ERC2: variants seen among roughly 807,000 people sequenced by gnomAD.
The protein encoded by ERC2 is ELKS/RAB6-interacting/CAST family member 2, also known as ERC protein 2.
A neutral mutation model predicts 114.8 loss-of-function variants in ERC2; 42 were observed. The ratio of observed to expected loss-of-function variants is 0.37; its 90% CI spans 0.29 to 0.47. The LOEUF (loss-of-function observed/expected upper bound fraction) is 0.47. ERC2 is among the 20% of genes least tolerant of loss of function. ERC2 has a pLI of 0.99. For synonymous variants in ERC2, 454 were observed against 425.5 expected (o/e 1.07, Z -0.82); for missense variants, 939 against 1,150.7 (o/e 0.82, Z 2.66).
intron 10 of ERC2, among the ~76,000 whole-genome samples, chr3:56,006,456 A>G (rs1170109789): frequency 1.3e-5 from 2 of 151,992 alleles, no homozygotes; most frequent in African/African-American, 2.4e-5. Flanking sequence ...GTCAAAGGGA[A>G]ACAAAATGCT....
chr3:55,883,598 A>G (rs2063216345), intron 14 of ERC2, among the ~76,000 whole-genome samples: 1 of 152,010 alleles, frequency 6.6e-6, no homozygotes, highest in African/African-American at 2.4e-5. Context: ...ATAAATTGGA[A>G]TAATGTTAAG....
chr3:55,662,445 C>A (rs890619866), intron 17 of ERC2, among the ~76,000 whole-genome samples: 2 of 152,158 alleles, frequency 1.3e-5, no homozygotes, highest in African/African-American at 2.4e-5. Flanking sequence ...CCAAGACATA[C>A]TGTTAAGTGA....
chr3:55,742,301 C>T (rs2066015171), intron 14 of ERC2, among the ~76,000 whole-genome samples: 2 of 152,138 alleles, frequency 1.3e-5, no homozygotes, highest in Admixed American at 6.5e-5. Context: ...TACTTCACTC[C>T]CCATTGCTGT....
intron 14 of ERC2, among the ~76,000 whole-genome samples, chr3:55,834,618 G>T (rs1027802478): frequency 6.6e-6 from 1 of 151,086 alleles, no homozygotes; most frequent in Non-Finnish European, 1.5e-5. Context: ...GCAGTGTGTA[G>T]AGGGAAATTT....
intron 17 of ERC2, among the ~76,000 whole-genome samples, chr3:55,549,250 A>G (rs2054974911): frequency 6.6e-6 from 1 of 152,108 alleles, no homozygotes; most frequent in African/African-American, 2.4e-5. Context: ...TGGTTCCACC[A>G]GTAGCCTGTG....
At chr3:56,060,522 T>C (rs1253842258) in intron 7 of ERC2, among the ~76,000 whole-genome samples, 2 of 152,242 alleles carry the variant, frequency 1.3e-5, no homozygotes, top group East Asian at 1.9e-4. Context: ...TGGGCAATCA[T>C]ACACATTCTG....
intron 12 of ERC2, among the ~76,000 whole-genome samples, chr3:55,954,726 A>G: frequency 6.6e-6 from 1 of 152,302 alleles, no homozygotes. Flanking sequence ...GGAGGAGTAT[A>G]ATTAACGAAA....
intron 14 of ERC2, among the ~76,000 whole-genome samples, chr3:55,836,060 C>G (rs555270872): frequency 6.6e-6 from 1 of 150,616 alleles, no homozygotes; most frequent in Non-Finnish European, 1.5e-5. Context: ...TGTGAAGGAC[C>G]TCTTCAAGGA....
At chr3:55,774,351 T>C (rs2068443362) in intron 14 of ERC2, among the ~76,000 whole-genome samples, 1 of 152,202 alleles carries the variant, frequency 6.6e-6, no homozygotes, top group Admixed American at 6.5e-5. Context: ...TGTGTGTGCA[T>C]TTAGACACTG....
intron 2 of ERC2, among the ~76,000 whole-genome samples, chr3:56,340,326 C>T (rs975388739): frequency 1.4e-4 from 22 of 152,110 alleles, no homozygotes; most frequent in African/African-American, 5.3e-4. Context: ...GTTTAAAACA[C>T]AGGCTTAAAA....
chr3:55,873,965 C>T (rs2062707663), intron 14 of ERC2, among the ~76,000 whole-genome samples: 1 of 152,198 alleles, frequency 6.6e-6, no homozygotes, highest in Non-Finnish European at 1.5e-5. Context: ...TGTTTATTCT[C>T]TCAAGAAATA....
At chr3:55,973,543 G>GT (rs1178882960) in intron 12 of ERC2, among the ~76,000 whole-genome samples, 1 of 152,214 alleles carries the variant, frequency 6.6e-6, no homozygotes, top group Non-Finnish European at 1.5e-5. Flanking sequence ...ATGTGTGCCT[G>GT]TTCCCACATG....
intron 7 of ERC2, among the ~76,000 whole-genome samples, chr3:56,023,541 C>T (rs1367397859): frequency 6.6e-6 from 1 of 152,120 alleles, no homozygotes; most frequent in African/African-American, 2.4e-5. Flanking sequence ...TATCAGCACA[C>T]TCCTTGCCTC....
chr3:55,751,513 A>C (rs35277336), intron 14 of ERC2, among the ~76,000 whole-genome samples: 1 of 152,018 alleles, frequency 6.6e-6, no homozygotes, highest in African/African-American at 2.4e-5. Context: ...CACAATATGT[A>C]TATATATATT....
At chr3:55,849,570 G>A (rs758070781) in intron 14 of ERC2, among the ~76,000 whole-genome samples, 8 of 152,116 alleles carry the variant, frequency 5.3e-5, no homozygotes, top group Non-Finnish European at 1.0e-4. Flanking sequence ...AGCTGGCACC[G>A]ACGCAGGAGG....
chr3:56,250,983 T>C (rs2052110439), intron 3 of ERC2, among the ~76,000 whole-genome samples: 1 of 152,158 alleles, frequency 6.6e-6, no homozygotes. Context: ...TACTAGAACA[T>C]GAAGGAGACT....
At chr3:55,817,823 C>G (rs572658120) in intron 14 of ERC2, among the ~76,000 whole-genome samples, 1 of 152,192 alleles carries the variant, frequency 6.6e-6, no homozygotes, top group Non-Finnish European at 1.5e-5. Flanking sequence ...GGAACACAAA[C>G]AGCCTTCAGT....
chr3:55,521,259 C>T (rs1309212058), intron 17 of ERC2, among the ~76,000 whole-genome samples: 1 of 152,216 alleles, frequency 6.6e-6, no homozygotes, highest in Non-Finnish European at 1.5e-5. Flanking sequence ...CCTCTCCCCA[C>T]ACAGCAAGCA....
intron 15 of ERC2, among the ~76,000 whole-genome samples, chr3:55,733,912 T>A (rs888616974): frequency 6.6e-6 from 1 of 152,188 alleles, no homozygotes; most frequent in Non-Finnish European, 1.5e-5. Flanking sequence ...CCATAAACCA[T>A]TGAGCTGACT....
Sources: allele counts gnomAD v4.1 joint callset (sites outside exome capture counted in the v4.1 genomes callset), GRCh38; gene constraint gnomAD v4.1.1; transcripts MANE v1.5; gene names NCBI Gene and HGNC (gene_info 2026-07-23, HGNC 2026-07-21).